ABHD3: variants seen among roughly 807,000 people sequenced by gnomAD.
The protein encoded by ABHD3 is abhydrolase domain containing 3, phospholipase.
Under a neutral mutation model 48.8 loss-of-function variants are expected in ABHD3, and 46 were observed. That is an observed-to-expected ratio of 0.94 (90% CI 0.74 to 1.20). ABHD3 has a LOEUF of 1.20. Ranked by LOEUF, ABHD3 falls within the 50% of genes most tolerant of loss-of-function variation. The pLI is 0.00. For synonymous variants in ABHD3, 192 were observed against 183.7 expected (o/e 1.04, Z -0.36); for missense variants, 490 against 497.8 (o/e 0.98, Z 0.15).
intron 4 of ABHD3, among the ~76,000 whole-genome samples, chr18:21,665,003 G>A (rs2039588829): frequency 6.7e-6 from 1 of 149,360 alleles, no homozygotes. Flanking sequence ...GGAGTGCAGT[G>A]ATGTGATCTC....
chr18:21,700,304 C>T (rs2146339008), intron 3 of ABHD3, among the ~76,000 whole-genome samples: 1 of 152,062 alleles, frequency 6.6e-6, no homozygotes, highest in Non-Finnish European at 1.5e-5. Context: ...GTTGGTCAGG[C>T]TGGTCTCGAA....
At chr18:21,702,913 T>G (rs1032695056) in intron 2 of ABHD3, among the ~76,000 whole-genome samples, 2 of 152,220 alleles carry the variant, frequency 1.3e-5, no homozygotes, top group Non-Finnish European at 2.9e-5. Context: ...TCTCCTTGTA[T>G]AGTATACTTC....
At chr18:21,663,912 C>G (rs183258442) in intron 5 of ABHD3, 2 of 1,431,370 alleles carry the variant, frequency 1.4e-6, no homozygotes, top group Admixed American at 6.1e-5. Flanking sequence ...CACAGAGACC[C>G]GTAGTTAAGA....
chr18:21,665,278 G>T (rs888988792), intron 4 of ABHD3, among the ~76,000 whole-genome samples: 1 of 151,500 alleles, frequency 6.6e-6, no homozygotes, highest in African/African-American at 2.4e-5. Flanking sequence ...GTCCTGCTCT[G>T]TTTCTAGGCT....
intron 3 of ABHD3, among the ~76,000 whole-genome samples, chr18:21,699,625 C>A (rs1451259721): frequency 6.6e-6 from 1 of 152,200 alleles, no homozygotes; most frequent in African/African-American, 2.4e-5. Context: ...ACCAGTAGCA[C>A]TGTGGGAGTT....
At chr18:21,651,892 T>C (rs1414350283) in intron 8 of ABHD3, 129 bp from the exon 9 acceptor site, 12 of 764,302 alleles carry the variant, frequency 1.6e-5, no homozygotes, top group Non-Finnish European at 2.2e-5. Context: ...CACCATTATA[T>C]AAATATATGT....
At chr18:21,660,078 T>C (rs2039453864) in intron 5 of ABHD3, among the ~76,000 whole-genome samples, 1 of 145,274 alleles carries the variant, frequency 6.9e-6, no homozygotes. Flanking sequence ...CCTCCCACCT[T>C]ACCCTCCCCA....
intron 4 of ABHD3, among the ~76,000 whole-genome samples, chr18:21,681,942 A>G (rs1462856948): frequency 1.3e-5 from 2 of 151,934 alleles, no homozygotes; most frequent in East Asian, 3.9e-4. Flanking sequence ...TGGGCAACAG[A>G]GTGAGACCCC....
At chr18:21,672,615 G>A (rs1456704727) in intron 4 of ABHD3, among the ~76,000 whole-genome samples, 5 of 152,138 alleles carry the variant, frequency 3.3e-5, no homozygotes, top group African/African-American at 1.2e-4. Context: ...GAGGAACAAT[G>A]CTTTTAAAAT....
intron 5 of ABHD3, among the ~76,000 whole-genome samples, chr18:21,661,530 C>G (rs1459965102): frequency 6.6e-6 from 1 of 151,846 alleles, no homozygotes; most frequent in Admixed American, 6.6e-5. Flanking sequence ...ACTCGTGAGG[C>G]TGAAGCAGGA....
chr18:21,678,872 T>C (rs1170487924), intron 4 of ABHD3, among the ~76,000 whole-genome samples: 1 of 152,182 alleles, frequency 6.6e-6, no homozygotes, highest in African/African-American at 2.4e-5. Context: ...AGAAAGGCCT[T>C]GGGCTTTCCC....
At chr18:21,663,674 C>A (rs2146289780) in intron 5 of ABHD3, 3 of 1,535,346 alleles carry the variant, frequency 2.0e-6, no homozygotes, top group Non-Finnish European at 2.6e-6. Flanking sequence ...AAACAAAATA[C>A]CACCTGGGGA....
chr18:21,657,208 T>A, intron 6 of ABHD3, 56 bp from the exon 7 acceptor site: 1 of 1,487,538 alleles, frequency 6.7e-7, no homozygotes, highest in Non-Finnish European at 9.0e-7. Flanking sequence ...TCCATCATAC[T>A]AAAAGGACTT....
intron 3 of ABHD3, 35 bp from the exon 4 acceptor site, chr18:21,684,000 C>A (rs1407091233): frequency 1.3e-6 from 2 of 1,565,996 alleles, no homozygotes; most frequent in Non-Finnish European, 1.7e-6. Context: ...GTTATTTTTA[C>A]ACATGATTCT....
intron 3 of ABHD3, 83 bp from the exon 4 acceptor site, chr18:21,684,048 T>C (rs1183537584): frequency 7.9e-7 from 1 of 1,261,440 alleles, no homozygotes; most frequent in Non-Finnish European, 1.1e-6. Context: ...TTACTGACAC[T>C]GATTTAGAGC....
intron 4 of ABHD3, among the ~76,000 whole-genome samples, chr18:21,669,620 T>C (rs1238885141): frequency 1.3e-5 from 2 of 152,170 alleles, no homozygotes; most frequent in Non-Finnish European, 2.9e-5. Flanking sequence ...CCTGTAATGT[T>C]CTACCAGTAC....
In ABHD3 at chr18:21,651,543, T is replaced by C. The variant is rs540057200; in HGVS notation, c.*48A>G. 38 of 1,608,458 alleles carry C rather than the reference T, an allele frequency of 2.4e-5. No homozygotes were observed. The East Asian group carries it at 7.6e-4, about 32-fold the overall frequency. On this transcript the variant is annotated 3_prime_UTR_variant, in exon 9 of 9. Coordinates refer to ENST00000289119, the MANE Select transcript of ABHD3 (RefSeq NM_138340.5). Reference sequence around the variant, plus strand: ...TTAAAATTTGTGCACTAAGCTGAGCTGCCTTCACAATTGTGGTTCAGACAA... The same window carrying C: ...TTAAAATTTGTGCACTAAGCTGAGCCGCCTTCACAATTGTGGTTCAGACAA...
rs772523934 is a variant in ABHD3, at chr18:21,653,077, A to AAAAAAAAAAAG, written c.1058-1315_1058-1314insCTTTTTTTTTT. ...CAAAAAAAAAAAAAAAAAAAAAAAAAAAAGAGCTGGGTGTGGTGGCTCACG... is the reference window on the plus strand; with the variant it reads ...CAAAAAAAAAAAAAAAAAAAAAAAAAAAAAAAAAAAGAAAGAGCTGGGTGTGGTGGCTCACG... On this transcript the variant is annotated intron_variant, in intron 8 of 8. Coordinates refer to ENST00000289119, the MANE Select transcript of ABHD3 (RefSeq NM_138340.5). Among the ~76,000 whole-genome samples the AAAAAAAAAAAG allele has an allele frequency of 1.9e-3, 141 of 76,152 alleles. 46 individuals are homozygous for AAAAAAAAAAAG. Among genetic ancestry groups the AAAAAAAAAAAG allele is most frequent in the African/African-American group, 5.0e-3 (71 of 14,274 alleles). 50.0% of individuals were successfully genotyped at this position (76,152 alleles called of 152,430 possible).
At chr18:21,691,343 G>A (rs4625812) in intron 3 of ABHD3, among the ~76,000 whole-genome samples, 77,461 of 151,958 alleles carry the variant, frequency 0.51, 23,235 homozygotes, top group African/African-American at 0.84. Flanking sequence ...TGCTTCTATC[G>A]ATAAAAGATA....
Sources: gnomAD v4.1 joint callset for allele counts (sites outside exome capture counted in the v4.1 genomes callset) on GRCh38, gnomAD v4.1.1 for gene constraint, MANE v1.5 for transcripts, NCBI Gene and HGNC (gene_info 2026-07-23, HGNC 2026-07-21) for gene names.